The following TMPRSS3 variants were observed in gnomAD, a reference collection of about 807,000 sequenced individuals.
TMPRSS3 encodes transmembrane serine protease 3.
In TMPRSS3, 55 loss-of-function variants were observed where a neutral mutation model predicts 59.6. The observed-to-expected ratio is 0.92, with a 90% CI of 0.74 to 1.16. The LOEUF (loss-of-function observed/expected upper bound fraction) is 1.16, where lower values mean the gene tolerates loss of function less well. Among genes scored for constraint, TMPRSS3 ranks in the 50% most tolerant of loss-of-function variants. TMPRSS3 has a pLI of 0.00. For missense variants in TMPRSS3, 596 were observed against 579.4 expected, an observed-to-expected ratio of 1.03 and a Z score of -0.29; for synonymous variants, 257 against 237.7, an observed-to-expected ratio of 1.08 and a Z score of -0.75.
At chr21:42,378,484 C>T (rs547338184) in intron 10 of TMPRSS3, among the ~76,000 whole-genome samples, 10 of 152,278 alleles carry the variant, frequency 6.6e-5, no homozygotes, top group East Asian at 1.9e-4. Context: ...CTAAATCCAA[C>T]GACTTGCTGT....
chr21:42,387,263 C>T (rs1052803366), intron 5 of TMPRSS3, among the ~76,000 whole-genome samples: 1 of 151,888 alleles, frequency 6.6e-6, no homozygotes, highest in African/African-American at 2.4e-5. Flanking sequence ...AGGAGGAGGG[C>T]AGAGAGAAGA....
At position 42,375,763 on chromosome 21, in the gene TMPRSS3, A is replaced by G. The variant is rs1007874685; in HGVS notation, c.1297T>C (p.Tyr433His). 1 of 1,613,754 alleles carries G rather than the reference A, an allele frequency of 6.2e-7. No individual in the cohort carries two copies. Among genetic ancestry groups the G allele is most frequent in the Non-Finnish European group, 8.5e-7 (1 of 1,180,028 alleles). ...GCAEVNKPGV[Y>H]TRVTSFLDWI... ...TCCAGGAAGGAGGTGACACGGGTGT[A>G]CACCCCAGGCTTGTTCACCTCTGCG... The change falls in exon 12 of 13, where the codon TAC (tyrosine) becomes CAC (histidine). Residue 433 changes from tyrosine (Y) to histidine (H), a missense_variant. Tyr to His is a moderately conservative substitution (Grantham distance 83). Transcript: ENST00000644384.
At chr21:42,390,199 C>T (rs1312064690) in intron 2 of TMPRSS3, 162 bp from the exon 3 acceptor site, 5 of 671,768 alleles carry the variant, frequency 7.4e-6, no homozygotes, top group Non-Finnish European at 1.4e-5. Context: ...CCAAGGGGCA[C>T]ATTCTCTAGT....
chr21:42,380,487 G>A (rs1028166917), intron 9 of TMPRSS3, among the ~76,000 whole-genome samples: 2 of 152,214 alleles, frequency 1.3e-5, no homozygotes, highest in African/African-American at 4.8e-5. Flanking sequence ...GGGCTGAATA[G>A]TCAATGTTGT....
At chr21:42,373,535 A>G (rs1443181675) in intron 12 of TMPRSS3, among the ~76,000 whole-genome samples, 2 of 152,218 alleles carry the variant, frequency 1.3e-5, no homozygotes, top group Non-Finnish European at 2.9e-5. Flanking sequence ...CCCATGCAAC[A>G]CATTCACCAG....
At chr21:42,384,495 C>T (rs543125179) in intron 6 of TMPRSS3, among the ~76,000 whole-genome samples, 1 of 152,340 alleles carries the variant, frequency 6.6e-6, no homozygotes, top group Admixed American at 6.5e-5. Context: ...AATTGACACT[C>T]CTACCCCCAC....
chr21:42,395,913 C>G (rs1343674066), intron 1 of TMPRSS3, 29 bp downstream of exon 1: 5 of 517,954 alleles, frequency 9.7e-6, no homozygotes, highest in South Asian at 7.0e-5. Flanking sequence ...GGTACACCTA[C>G]CATAAGCATA....
chr21:42,386,861 G>A (rs2146445113), intron 5 of TMPRSS3, among the ~76,000 whole-genome samples: 1 of 152,080 alleles, frequency 6.6e-6, no homozygotes, highest in Middle Eastern at 3.4e-3. Flanking sequence ...GATTAAAGAA[G>A]GATTTTAAGG....
At chr21:42,378,722 G>A (rs11910516) in intron 10 of TMPRSS3, among the ~76,000 whole-genome samples, 9,695 of 151,816 alleles carry the variant, frequency 0.064, 421 homozygotes, top group African/African-American at 0.11. Context: ...TTTTTGTTTT[G>A]TTTTGTTTTT....
At chr21:42,376,727 G>T in intron 10 of TMPRSS3, 44 bp from the exon 11 acceptor site, 1 of 1,613,180 alleles carries the variant, frequency 6.2e-7, no homozygotes. Context: ...AAGGAAGCCC[G>T]GCCCAAAACA....
At position 42,372,628 on chromosome 21, in the gene TMPRSS3, G is replaced by T. The variant is rs755304820; in HGVS notation, c.*134C>A. On this transcript the variant is annotated 3_prime_UTR_variant, in exon 13 of 13. Transcript: ENST00000644384. ...TCAGATGGAAGGGTGCCTCTTTCGG[G>T]CCTGCTACTGGTGCCGGAACTCAGA... 6.7e-6 allele frequency: 6 copies of T among 902,122 alleles called. No homozygotes were observed. Among genetic ancestry groups the T allele is most frequent in the Middle Eastern group, 2.5e-4 (1 of 3,968 alleles). 55.9% of individuals were successfully genotyped at this position (902,122 alleles called of 1,614,324 possible).
In TMPRSS3 at chr21:42,372,748, T is replaced by C; in HGVS notation, c.*14A>G. 1.2e-6 allele frequency: 2 copies of C among 1,614,044 alleles called. No individual in the cohort carries two copies. Among genetic ancestry groups the C allele is most frequent in the Non-Finnish European group, 1.7e-6 (2 of 1,179,976 alleles). On this transcript the variant is annotated 3_prime_UTR_variant, in exon 13 of 13. Coordinates refer to ENST00000644384, the MANE Select transcript of TMPRSS3 (RefSeq NM_001256317.3). ...CACCTCAGGAACTCAGGTGGCTACT[T>C]GTCCCCTTCCTCTTCAGGTTTTTAG...
intron 7 of TMPRSS3, chr21:42,383,642 C>A: frequency 1.8e-6 from 1 of 568,196 alleles, no homozygotes. Context: ...CTGCCCGAGG[C>A]CTGGAGTGGG....
intron 3 of TMPRSS3, among the ~76,000 whole-genome samples, chr21:42,389,623 C>T (rs1011383028): frequency 6.6e-6 from 1 of 152,258 alleles, no homozygotes; most frequent in Non-Finnish European, 1.5e-5. Context: ...CTCCCCGCTG[C>T]CCCGGTCAGT....
intron 2 of TMPRSS3, 136 bp downstream of exon 2, chr21:42,395,188 G>A (rs1568894006): frequency 2.0e-5 from 15 of 758,016 alleles, no homozygotes; most frequent in Middle Eastern, 3.5e-4. Flanking sequence ...TGCAGATCTA[G>A]GGAAGTGCAG....
In TMPRSS3 at chr21:42,380,140, C is replaced by T. The variant is rs397517368; in HGVS notation, c.1025G>A (p.Gly342Glu). The T allele has an allele frequency of 1.2e-6, 2 of 1,614,192 alleles. No individual in the cohort carries two copies. Among genetic ancestry groups the T allele is most frequent in the Non-Finnish European group, 1.7e-6 (2 of 1,180,024 alleles). Residue 342 changes from glycine (G) to glutamate (E), a missense_variant, in exon 10 of 13, where the codon GGA becomes GAA. By Grantham distance (98) the Gly-to-Glu change is moderately conservative. Transcript: ENST00000644384. ...ACCTCCATCCTCTGTGGCCCCCCAT[C>T]CTGACGTCCAGCACACTTTTCCATC... ...FPDGKVCWTSGWGATEDGGDA... is the reference protein window; with the variant it reads ...FPDGKVCWTSEWGATEDGGDA...
At chr21:42,385,121 C>T (rs969323319) in intron 6 of TMPRSS3, among the ~76,000 whole-genome samples, 4 of 138,680 alleles carry the variant, frequency 2.9e-5, no homozygotes, top group African/African-American at 8.4e-5. Context: ...GCTTTCATTC[C>T]CCAGACACAC....
intron 8 of TMPRSS3, 147 bp downstream of exon 8, chr21:42,382,886 G>C (rs904786244): frequency 1.0e-6 from 1 of 961,818 alleles, no homozygotes; most frequent in Non-Finnish European, 1.6e-6. Flanking sequence ...CCACAGTGAG[G>C]CTGGAGACTC....
In TMPRSS3 at chr21:42,372,580, G is replaced by A. The variant is rs2146414982; in HGVS notation, c.*182C>T. The stretch of plus-strand genomic sequence containing the variant: ...ATCTCAAAAAAACAAAAAACAAAAA[G>A]CAGCTTGAAGGTTGTGCTGGAATCA... On this transcript the variant is annotated 3_prime_UTR_variant, in exon 13 of 13. Coordinates refer to ENST00000644384, the MANE Select transcript of TMPRSS3 (RefSeq NM_001256317.3). The A allele has an allele frequency of 1.3e-6, 1 of 767,720 alleles. No individual in the cohort carries two copies. Among genetic ancestry groups the A allele is most frequent in the East Asian group, 2.5e-5 (1 of 39,600 alleles). 47.6% of individuals were successfully genotyped at this position (767,720 alleles called of 1,614,324 possible).
Sources: gnomAD v4.1 joint callset for allele counts (sites outside exome capture counted in the v4.1 genomes callset) on GRCh38, gnomAD v4.1.1 for gene constraint, MANE v1.5 for transcripts, NCBI Gene and HGNC (gene_info 2026-07-23, HGNC 2026-07-21) for gene names.